NOVA1: variants seen among roughly 807,000 people sequenced by gnomAD.
NOVA1 encodes the protein NOVA alternative splicing regulator 1, also known as RNA-binding protein Nova-1.
A neutral mutation model predicts 38.0 loss-of-function variants in NOVA1; 7 were observed. The ratio of observed to expected loss-of-function variants is 0.18; its 90% CI spans 0.10 to 0.35. The LOEUF is 0.35. Among genes scored for constraint, NOVA1 ranks in the 10% least tolerant of loss-of-function variants. NOVA1 has a pLI of 1.00. For synonymous variants in NOVA1, 270 were observed against 232.5 expected (o/e 1.16, Z -1.47); for missense variants, 460 against 616.0 (o/e 0.75, Z 2.68).
At chr14:26,580,115 A>G (rs1893120535) in intron 2 of NOVA1, among the ~76,000 whole-genome samples, 1 of 152,030 alleles carries the variant, frequency 6.6e-6, no homozygotes, top group Non-Finnish European at 1.5e-5. Flanking sequence ...AGCCTTATGA[A>G]TTATCATCTA....
chr14:26,465,039 A>G (rs1884000989), intron 4 of NOVA1, among the ~76,000 whole-genome samples: 1 of 152,226 alleles, frequency 6.6e-6, no homozygotes, highest in Non-Finnish European at 1.5e-5. Flanking sequence ...TCTAATAGAC[A>G]TAACAAAATA....
chr14:26,553,321 T>G (rs1181822298), intron 2 of NOVA1, among the ~76,000 whole-genome samples: 1 of 152,206 alleles, frequency 6.6e-6, no homozygotes, highest in Non-Finnish European at 1.5e-5. Flanking sequence ...CCTTCCTTAG[T>G]TCTTCCTTAT....
chr14:26,483,504 G>C (rs1044905197), intron 2 of NOVA1, among the ~76,000 whole-genome samples: 2 of 152,140 alleles, frequency 1.3e-5, no homozygotes, highest in Non-Finnish European at 2.9e-5. Context: ...AAAATCATCA[G>C]ATGAAAGGTT....
chr14:26,467,257 T>C (rs970816442), intron 4 of NOVA1, among the ~76,000 whole-genome samples: 2 of 152,224 alleles, frequency 1.3e-5, no homozygotes, highest in South Asian at 4.2e-4. Flanking sequence ...GTAAACAAAG[T>C]ATGCCAAGGA....
intron 2 of NOVA1, chr14:26,549,689 A>C: frequency 7.9e-7 from 1 of 1,273,402 alleles, no homozygotes; most frequent in Non-Finnish European, 1.0e-6. Context: ...CAGTCTATGT[A>C]GTACTCCTAG....
chr14:26,495,195 T>C (rs1224270902), intron 2 of NOVA1, among the ~76,000 whole-genome samples: 5 of 152,096 alleles, frequency 3.3e-5, no homozygotes, highest in African/African-American at 1.2e-4. Context: ...AAGACTTAGC[T>C]CAATAATACC....
At chr14:26,509,684 T>C (rs1887909114) in intron 2 of NOVA1, among the ~76,000 whole-genome samples, 1 of 152,138 alleles carries the variant, frequency 6.6e-6, no homozygotes, top group African/African-American at 2.4e-5. Flanking sequence ...TTCATGCATA[T>C]GGGGTTTTTT....
chr14:26,560,136 T>C (rs1891734725), intron 2 of NOVA1, among the ~76,000 whole-genome samples: 1 of 152,006 alleles, frequency 6.6e-6, no homozygotes, highest in African/African-American at 2.4e-5. Context: ...ATCTCCCTAC[T>C]TTAAGGATGC....
chr14:26,499,054 G>A (rs1887056977), intron 2 of NOVA1, among the ~76,000 whole-genome samples: 1 of 152,184 alleles, frequency 6.6e-6, no homozygotes, highest in African/African-American at 2.4e-5. Flanking sequence ...GAGTACATGA[G>A]GGCAAATGAT....
chr14:26,479,801 A>T (rs1055518036), intron 3 of NOVA1, 176 bp downstream of exon 3: 1 of 522,298 alleles, frequency 1.9e-6, no homozygotes, highest in Non-Finnish European at 3.2e-6. Context: ...TCAATAAATT[A>T]ACTGATCAAT....
intron 2 of NOVA1, among the ~76,000 whole-genome samples, chr14:26,584,071 A>T (rs980654221): frequency 6.6e-6 from 1 of 151,590 alleles, no homozygotes; most frequent in African/African-American, 2.4e-5. Context: ...ATGAATCAAA[A>T]GCAAATTAGT....
intron 3 of NOVA1, among the ~76,000 whole-genome samples, chr14:26,474,891 C>T (rs1446612423): frequency 1.3e-5 from 2 of 151,616 alleles, no homozygotes; most frequent in African/African-American, 4.8e-5. Flanking sequence ...TACTTTTAAG[C>T]ACAAAAAGAC....
chr14:26,539,168 A>G (rs1237235730), intron 2 of NOVA1, among the ~76,000 whole-genome samples: 5 of 152,172 alleles, frequency 3.3e-5, no homozygotes, highest in African/African-American at 1.2e-4. Context: ...CCACGAACAT[A>G]GAGACTTCCT....
intron 2 of NOVA1, among the ~76,000 whole-genome samples, chr14:26,527,512 T>C (rs900369627): frequency 6.8e-5 from 9 of 131,950 alleles, no homozygotes; most frequent in Non-Finnish European, 1.5e-4. Context: ...AACAAACAAA[T>C]AAAAAAAAAA....
chr14:26,592,356 A>G (rs1409786469), intron 2 of NOVA1, among the ~76,000 whole-genome samples: 1 of 151,526 alleles, frequency 6.6e-6, no homozygotes, highest in Non-Finnish European at 1.5e-5. Context: ...CTAGTTATAA[A>G]AAGATATATA....
At chr14:26,546,163 T>C (rs935745834) in intron 2 of NOVA1, among the ~76,000 whole-genome samples, 7 of 152,186 alleles carry the variant, frequency 4.6e-5, no homozygotes, top group Admixed American at 2.0e-4. Flanking sequence ...TCAAATTCCA[T>C]ATATTAGTCT....
intron 2 of NOVA1, among the ~76,000 whole-genome samples, chr14:26,546,119 AC>A (rs1219597181): frequency 2.6e-5 from 4 of 152,090 alleles, no homozygotes; most frequent in Non-Finnish European, 2.9e-5. Flanking sequence ...TTAGAAAAAA[AC>A]ATTTTTCATT....
At chr14:26,568,123 A>C (rs1892247743) in intron 2 of NOVA1, among the ~76,000 whole-genome samples, 1 of 152,224 alleles carries the variant, frequency 6.6e-6, no homozygotes, top group Admixed American at 6.5e-5. Flanking sequence ...GTAAAACAGA[A>C]AATGTTTTAC....
At chr14:26,482,325 T>A (rs1885536904) in intron 2 of NOVA1, among the ~76,000 whole-genome samples, 1 of 152,294 alleles carries the variant, frequency 6.6e-6, no homozygotes, top group South Asian at 2.1e-4. Context: ...GGAGATTCTA[T>A]ATCTACCACT....
Sources: gnomAD v4.1 joint callset for allele counts (sites outside exome capture counted in the v4.1 genomes callset) on GRCh38, gnomAD v4.1.1 for gene constraint, MANE v1.5 for transcripts, NCBI Gene and HGNC (gene_info 2026-07-23, HGNC 2026-07-21) for gene names.